The following CEP112 variants were observed in gnomAD, a reference collection of about 807,000 sequenced individuals.
CEP112 encodes centrosomal protein of 112 kDa.
Under a neutral mutation model 153.0 loss-of-function variants are expected in CEP112, and 127 were observed. The ratio of observed to expected loss-of-function variants is 0.83; its 90% confidence interval spans 0.72 to 0.96. The LOEUF is 0.96. Among genes scored for constraint, CEP112 ranks in the 40% least tolerant of loss-of-function variants. The probability of loss-of-function intolerance (pLI) is 0.00; values close to 1 mark genes in which losing one functional copy is unlikely to be tolerated. For missense variants in CEP112, 1,089 were observed against 1,101.2 expected, an observed-to-expected ratio of 0.99 and a Z score of 0.16; for synonymous variants, 358 against 374.4, an observed-to-expected ratio of 0.96 and a Z score of 0.51.
At chr17:65,797,859 C>T (rs1383943587) in intron 21 of CEP112, among the ~76,000 whole-genome samples, 1 of 152,128 alleles carries the variant, frequency 6.6e-6, no homozygotes. Flanking sequence ...CATATTTAAT[C>T]TTGTTCTTGA....
intron 17 of CEP112, among the ~76,000 whole-genome samples, chr17:65,982,892 A>C (rs2063278249): frequency 6.6e-6 from 1 of 152,252 alleles, no homozygotes; most frequent in Non-Finnish European, 1.5e-5. Flanking sequence ...AAAAGGAATG[A>C]AGTGACAATA....
At chr17:65,971,502 TCA>T (rs762186243) in intron 17 of CEP112, among the ~76,000 whole-genome samples, 7 of 152,148 alleles carry the variant, frequency 4.6e-5, no homozygotes, top group Admixed American at 6.5e-5. Context: ...GTCATACATA[TCA>T]CACATGCACA....
chr17:65,847,392 C>CA (rs948430086), intron 21 of CEP112, among the ~76,000 whole-genome samples: 223 of 152,270 alleles, frequency 1.5e-3, no homozygotes, highest in African/African-American at 5.2e-3. Context: ...CAAGGCATTC[C>CA]ACTGTTCAGC....
At chr17:65,763,557 C>T (rs2052743727) in intron 21 of CEP112, among the ~76,000 whole-genome samples, 1 of 151,404 alleles carries the variant, frequency 6.6e-6, no homozygotes, top group South Asian at 2.1e-4. Context: ...ACTGAGATAT[C>T]CTCAAGCTCA....
chr17:65,918,290 G>C (rs1055828049), intron 19 of CEP112, among the ~76,000 whole-genome samples: 1 of 152,078 alleles, frequency 6.6e-6, no homozygotes, highest in African/African-American at 2.4e-5. Flanking sequence ...TGGGAATCAC[G>C]TGCTATCTGC....
intron 20 of CEP112, among the ~76,000 whole-genome samples, chr17:65,899,560 C>T (rs530603264): frequency 2.1e-4 from 32 of 152,082 alleles, no homozygotes; most frequent in African/African-American, 4.3e-4. Flanking sequence ...CTAGTTGGAA[C>T]GATTCACCTT....
At chr17:65,964,946 A>G (rs982022632) in intron 17 of CEP112, among the ~76,000 whole-genome samples, 1 of 152,236 alleles carries the variant, frequency 6.6e-6, no homozygotes, top group African/African-American at 2.4e-5. Flanking sequence ...TATATCACTT[A>G]CTTTTTAATT....
intron 18 of CEP112, among the ~76,000 whole-genome samples, chr17:65,934,170 C>T (rs957002818): frequency 6.6e-6 from 1 of 151,656 alleles, no homozygotes; most frequent in Non-Finnish European, 1.5e-5. Flanking sequence ...GCCTGGGTGA[C>T]AGACCAAGAC....
At chr17:66,105,845 A>T (rs928249602) in intron 6 of CEP112, among the ~76,000 whole-genome samples, 1 of 152,184 alleles carries the variant, frequency 6.6e-6, no homozygotes, top group African/African-American at 2.4e-5. Flanking sequence ...AAGGATGTAA[A>T]CATTCTTCTC....
intron 23 of CEP112, among the ~76,000 whole-genome samples, chr17:65,695,390 G>A (rs949879939): frequency 6.6e-5 from 10 of 152,006 alleles, no homozygotes; most frequent in Non-Finnish European, 1.5e-4. Flanking sequence ...CTGTGAGTTT[G>A]GGGAAAAAAG....
At chr17:65,836,896 C>A (rs912226640) in intron 21 of CEP112, among the ~76,000 whole-genome samples, 5 of 151,938 alleles carry the variant, frequency 3.3e-5, no homozygotes, top group African/African-American at 9.7e-5. Flanking sequence ...TCACTGCAAC[C>A]TCCCTGCCTG....
chr17:65,896,942 A>C (rs1386075665), intron 20 of CEP112, among the ~76,000 whole-genome samples: 1 of 151,956 alleles, frequency 6.6e-6, no homozygotes, highest in East Asian at 1.9e-4. Flanking sequence ...AATAATAAAA[A>C]CTTTTCCCAC....
chr17:65,639,183 T>C (rs541572436), intron 25 of CEP112, among the ~76,000 whole-genome samples: 2 of 152,190 alleles, frequency 1.3e-5, no homozygotes, highest in African/African-American at 4.8e-5. Context: ...GAAGTTTTAC[T>C]AGGGGAATAT....
At chr17:65,840,579 AT>A (rs987309770) in intron 21 of CEP112, among the ~76,000 whole-genome samples, 2 of 151,854 alleles carry the variant, frequency 1.3e-5, no homozygotes, top group Admixed American at 6.6e-5. Context: ...CTAGGCAAAG[AT>A]TTTTTTTGGT....
chr17:65,927,732 A>G (rs1774158741), intron 18 of CEP112, 43 bp from the exon 19 acceptor site: 1 of 1,228,500 alleles, frequency 8.1e-7, no homozygotes, highest in African/African-American at 1.6e-5. Flanking sequence ...TAAACAAACA[A>G]TTGTGTTCCA....
chr17:65,764,057 C>T (rs1646190593), intron 21 of CEP112, among the ~76,000 whole-genome samples: 4 of 151,936 alleles, frequency 2.6e-5, no homozygotes, highest in Non-Finnish European at 4.4e-5. Context: ...CAGTTTCTCC[C>T]CCTCCTAGCT....
intron 23 of CEP112, among the ~76,000 whole-genome samples, chr17:65,707,415 C>A (rs1388850247): frequency 2.0e-5 from 3 of 152,168 alleles, no homozygotes; most frequent in African/African-American, 4.8e-5. Context: ...ATCTCCCTCC[C>A]ATACATTCTA....
intron 23 of CEP112, among the ~76,000 whole-genome samples, chr17:65,691,418 T>A (rs1322687811): frequency 1.3e-5 from 2 of 152,198 alleles, no homozygotes; most frequent in African/African-American, 4.8e-5. Context: ...CATAGTTTTA[T>A]GATTTTGCCT....
intron 19 of CEP112, chr17:65,913,645 G>A: frequency 1.0e-6 from 1 of 985,324 alleles, no homozygotes; most frequent in Non-Finnish European, 1.2e-6. Flanking sequence ...GTTTAATGTT[G>A]CTGTGATAAC....
Sources: allele counts gnomAD v4.1 joint callset (sites outside exome capture counted in the v4.1 genomes callset), GRCh38; gene constraint gnomAD v4.1.1; transcripts MANE v1.5; gene names NCBI Gene and HGNC (gene_info 2026-07-23, HGNC 2026-07-21).